NFKBIZ: variants seen among roughly 807,000 people sequenced by gnomAD.
The protein encoded by NFKBIZ is NFKB inhibitor zeta, also known as NF-kappa-B inhibitor zeta.
A neutral mutation model predicts 76.8 loss-of-function variants in NFKBIZ; 19 were observed. That is an observed-to-expected ratio of 0.25 (90% confidence interval 0.17 to 0.36). The LOEUF (loss-of-function observed/expected upper bound fraction) is 0.36. NFKBIZ is among the 10% of genes least tolerant of loss of function. The probability of loss-of-function intolerance (pLI) is 1.00; values close to 1 mark genes in which losing one functional copy is unlikely to be tolerated. For missense variants in NFKBIZ, 829 were observed against 910.9 expected (o/e 0.91, Z 1.16); for synonymous variants, 368 against 354.8 (o/e 1.04, Z -0.42).
Position 101,852,929 on chromosome 3 carries a change from C to G in NFKBIZ, c.504C>G (p.Pro168=). The change falls in exon 4 of 12, where the codon CCC becomes CCG. Residue 168 remains proline, a synonymous_variant. Coordinates refer to ENST00000326172, the MANE Select transcript of NFKBIZ (RefSeq NM_031419.4). ...TVSYSGKRKG[P]DSLSDGPACK... ...CATACAGTGGGAAAAGGAAAGGGCC[C>G]GATTCGTTGTCTGATGGACCTGCTT... 6.2e-7 allele frequency: 1 copy of G among 1,614,116 alleles called. No individual in the cohort carries two copies. The highest frequency in any genetic ancestry group is 1.7e-5 in the Admixed American group (1 of 60,014).
In NFKBIZ at chr3:101,855,755, A is replaced by G. The variant is rs1348621892; in HGVS notation, c.1677A>G (p.Ala559=). 2 of 1,607,096 alleles carry G rather than the reference A, an allele frequency of 1.2e-6. No individual in the cohort carries two copies. Among genetic ancestry groups the G allele is most frequent in the Non-Finnish European group, 1.7e-6 (2 of 1,177,936 alleles). The change falls in exon 9 of 12, where the codon GCA becomes GCG. Residue 559 remains alanine, a synonymous_variant. Coordinates refer to ENST00000326172, the MANE Select transcript of NFKBIZ (RefSeq NM_031419.4). The stretch of plus-strand genomic sequence containing the variant: ...TAGGCCTGACTCCCCTTCACTGTGC[A>G]GTCATAGCCCACAATGCTGTGGTCC... ...NYDGLTPLHC[A]VIAHNAVVHE...
chr3:101,850,155 C>T (rs1329903803), intron 1 of NFKBIZ: 3 of 402,334 alleles, frequency 7.5e-6, no homozygotes, highest in African/African-American at 6.2e-5. Flanking sequence ...CTTCAGAAAC[C>T]GCTCGGCCGA....
At chr3:101,855,358 T>C (rs767877759) in intron 7 of NFKBIZ, 37 bp from the exon 8 acceptor site, 18 of 1,612,000 alleles carry the variant, frequency 1.1e-5, no homozygotes, top group Non-Finnish European at 1.5e-5. Context: ...ATGCGCAGCT[T>C]ATGTAGCTAA....
At chr3:101,850,874 C>G (rs1474590958) in intron 1 of NFKBIZ, among the ~76,000 whole-genome samples, 1 of 152,208 alleles carries the variant, frequency 6.6e-6, no homozygotes, top group African/African-American at 2.4e-5. Flanking sequence ...TGTTTAGGAC[C>G]TTTTCTTACC....
intron 8 of NFKBIZ, 50 bp downstream of exon 8, chr3:101,855,508 A>C (rs754619055): frequency 6.5e-7 from 1 of 1,531,858 alleles, no homozygotes; most frequent in Non-Finnish European, 9.1e-7. Context: ...GGGGAACCAT[A>C]AGGTCTAAGG....
chr3:101,858,023 A>G (rs963687337), intron 11 of NFKBIZ: 11 of 842,472 alleles, frequency 1.3e-5, no homozygotes, highest in Middle Eastern at 1.2e-3. Context: ...CTCATCAAAT[A>G]TGGTTATATA....
chr3:101,833,092 G>T (rs1255260361), intron 2 of NFKBIZ, among the ~76,000 whole-genome samples: 3 of 152,184 alleles, frequency 2.0e-5, no homozygotes, highest in Non-Finnish European at 2.9e-5. Context: ...CACTTATGAA[G>T]ATGTGCATGG....
chr3:101,854,944 A>T (rs1943027035), intron 6 of NFKBIZ, 118 bp from the exon 7 acceptor site: 1 of 1,142,850 alleles, frequency 8.8e-7, no homozygotes, highest in Non-Finnish European at 1.2e-6. Context: ...CTGATTGCTT[A>T]TTCAAAGGAT....
At position 101,853,180 on chromosome 3, in the gene NFKBIZ, G is replaced by C; in HGVS notation, c.654G>C (p.Gln218His). ...PKQESSADLL[Q>H]NIINIKNECS... Reference sequence around the variant, plus strand: ...AGGAGAGCAGTGCTGATCTGCTTCAGAACATTATCAACATTAAGAATGAAT... The same window carrying C: ...AGGAGAGCAGTGCTGATCTGCTTCACAACATTATCAACATTAAGAATGAAT... Residue 218 changes from glutamine to histidine, a missense_variant, in exon 5 of 12, where the codon CAG (glutamine) becomes CAC (histidine). By Grantham distance (24) the Gln-to-His change is conservative. Transcript: ENST00000326172. The C allele has an allele frequency of 6.2e-7, 1 of 1,614,168 alleles. No individual in the cohort carries two copies. Among genetic ancestry groups the C allele is most frequent in the Non-Finnish European group, 8.5e-7 (1 of 1,180,026 alleles).
upstream of NFKBIZ, among the ~76,000 whole-genome samples, chr3:101,848,585 T>G (rs1942887323): frequency 6.6e-6 from 1 of 152,252 alleles, no homozygotes; most frequent in African/African-American, 2.4e-5. Context: ...ATTCCCGCAT[T>G]TTTTGCTAGT....
rs1018074294 is a variant in NFKBIZ, at chr3:101,857,982, T to C, written c.2103+523T>C. On this transcript the variant is annotated intron_variant, in intron 11 of 11. Coordinates refer to ENST00000326172, the MANE Select transcript of NFKBIZ (RefSeq NM_031419.4). ...TTATGTAATTTCAAACCTAGAAATA[T>C]TTTGTTTTAAACAGCATATTTAATG... 12 of 786,914 alleles carry C rather than the reference T, an allele frequency of 1.5e-5. No individual in the cohort carries two copies. The East Asian group carries it at 1.2e-3, about 80-fold the overall frequency. The allele number at this position is 786,914 out of a possible 1,614,324, so 48.7% of individuals were successfully genotyped here.
rs780620526 is a variant in NFKBIZ, at chr3:101,853,690, C to T, written c.1164C>T (p.His388=). The T allele has an allele frequency of 1.2e-5, 20 of 1,614,128 alleles. No individual in the cohort carries two copies. Among genetic ancestry groups the T allele is most frequent in the South Asian group, 8.8e-5 (8 of 91,092 alleles). Residue 388 remains histidine (H), a synonymous_variant, in exon 5 of 12, where the codon CAC becomes CAT. Transcript: ENST00000326172. ...PSSACEAMVG[H]EMASDSSNTS... ...GCGCCTGTGAGGCCATGGTGGGGCA[C>T]GAGATGGCCTCTGACTCTTCAAACA... is the stretch of plus-strand genomic sequence containing the variant.
At chr3:101,829,109 C>T (rs927691017) in intron 1 of NFKBIZ, among the ~76,000 whole-genome samples, 1 of 152,186 alleles carries the variant, frequency 6.6e-6, no homozygotes, top group South Asian at 2.1e-4. Context: ...GCAGATAACC[C>T]TGCCTGTTTA....
At chr3:101,843,580 A>T (rs1025974646) in intron 2 of NFKBIZ, among the ~76,000 whole-genome samples, 12 of 152,268 alleles carry the variant, frequency 7.9e-5, no homozygotes, top group African/African-American at 2.9e-4. Context: ...CTAATTTAAT[A>T]TTATACCAAA....
At chr3:101,846,949 T>C (rs1422834768), upstream of NFKBIZ, among the ~76,000 whole-genome samples, 2 of 152,208 alleles carry the variant, frequency 1.3e-5, no homozygotes, top group South Asian at 2.1e-4. Flanking sequence ...GAGCTGGTGG[T>C]GTAAGTCCTA....
Position 101,853,850 on chromosome 3 carries a change from G to A in NFKBIZ, c.1324G>A (p.Ala442Thr). Residue 442 changes from alanine to threonine, a missense_variant, in exon 5 of 12, where the codon GCA (alanine) becomes ACA (threonine). Coordinates refer to ENST00000326172, the MANE Select transcript of NFKBIZ (RefSeq NM_031419.4). ...ISQDQFLSKD[A>T]DGDTFLHIAV... ...CCAAGACCAGTTTCTTTCAAAGGAT[G>A]CAGATGGTGACACGTGAGTATTCTT... The A allele has an allele frequency of 6.2e-7, 1 of 1,612,790 alleles. No homozygotes were observed. The highest frequency in any genetic ancestry group is 8.5e-7 in the Non-Finnish European group (1 of 1,179,752).
In NFKBIZ at chr3:101,849,728, T is replaced by C; in HGVS notation, c.100T>C (p.Tyr34His). 1 of 1,449,884 alleles carries C rather than the reference T, an allele frequency of 6.9e-7. No individual in the cohort carries two copies. The highest frequency in any genetic ancestry group is 9.0e-7 in the Non-Finnish European group (1 of 1,105,890). 89.8% of individuals were successfully genotyped at this position (1,449,884 alleles called of 1,614,324 possible). Residue 34 changes from tyrosine (Y) to histidine (H), a missense_variant, in exon 1 of 12, where the codon TAC becomes CAC. Physicochemically the swap from Tyr to His is moderately conservative, Grantham distance 83 (BLOSUM62 2). Transcript: ENST00000326172. Reference protein sequence around the residue: ...GLMTSPLNLSYFYGASPPAAA... With the variant: ...GLMTSPLNLSHFYGASPPAAA... ...CATGACCAGCCCGCTCAACCTGAGC[T>C]ACTTCTACGGCGCGTCGCCGCCCGC...
rs759569268 is a variant in NFKBIZ at position 101,857,166 on chromosome 3, T to A, written c.1918T>A (p.Ser640Thr). ...CTTTTTGGAGCTGCCCAGTTGCCTG[T>A]CTTTTGTGAATGCAAAGGTACACCA... ...RLFLELPSCL[S>T]FVNAKAYNGN... Residue 640 changes from serine (S) to threonine (T), a missense_variant, in exon 10 of 12, where the codon TCT becomes ACT. Transcript: ENST00000326172. The A allele has an allele frequency of 6.2e-7, 1 of 1,614,252 alleles. No individual in the cohort carries two copies. The highest frequency in any genetic ancestry group is 8.5e-7 in the Non-Finnish European group (1 of 1,180,030).
intron 2 of NFKBIZ, among the ~76,000 whole-genome samples, chr3:101,830,218 G>C (rs998595191): frequency 2.6e-5 from 4 of 152,198 alleles, no homozygotes; most frequent in Non-Finnish European, 4.4e-5. Context: ...TTAGTGGATT[G>C]GGAATTAACA....
Sources: gnomAD v4.1 joint callset for allele counts (sites outside exome capture counted in the v4.1 genomes callset) on GRCh38, gnomAD v4.1.1 for gene constraint, MANE v1.5 for transcripts, NCBI Gene and HGNC (gene_info 2026-07-23, HGNC 2026-07-21) for gene names.